Variants in NMBR observed in about 807,000 individuals in gnomAD.
NMBR encodes the protein neuromedin B receptor.
Under a neutral mutation model 20.5 loss-of-function variants are expected in NMBR, and 16 were observed. The ratio of observed to expected loss-of-function variants is 0.78; its 90% CI spans 0.53 to 1.19. The LOEUF (loss-of-function observed/expected upper bound fraction) is 1.19. NMBR is among the 50% of genes most tolerant of loss of function. NMBR has a pLI of 0.00. For synonymous variants in NMBR, 212 were observed against 196.6 expected (o/e 1.08, Z -0.65); for missense variants, 582 against 499.1 (o/e 1.17, Z -1.58).
chr6:142,125,656 A>G (rs1778020666), intron 1 of NMBR, among the ~76,000 whole-genome samples: 1 of 151,884 alleles, frequency 6.6e-6, no homozygotes, highest in Non-Finnish European at 1.5e-5. Flanking sequence ...GTGAATAAGG[A>G]CAAACACATA....
At chr6:142,136,300 A>G (rs1300556190) in intron 1 of NMBR, among the ~76,000 whole-genome samples, 4 of 152,122 alleles carry the variant, frequency 2.6e-5, no homozygotes. Context: ...TCTTCTTTTG[A>G]GAAGTGTTTG....
chr6:142,135,448 T>C (rs1342707614), intron 1 of NMBR, among the ~76,000 whole-genome samples: 1 of 152,100 alleles, frequency 6.6e-6, no homozygotes, highest in African/African-American at 2.4e-5. Context: ...CTTGAAGAAA[T>C]TGAACAATTA....
At chr6:142,123,404 C>CAACAAAGG (rs1195347696) in intron 1 of NMBR, among the ~76,000 whole-genome samples, 1 of 151,934 alleles carries the variant, frequency 6.6e-6, no homozygotes. Flanking sequence ...GTTGAAATAA[C>CAACAAAGG]AACAAAGGAT....
At chr6:142,097,509 G>C (rs1392602669) in intron 1 of NMBR, among the ~76,000 whole-genome samples, 1 of 152,104 alleles carries the variant, frequency 6.6e-6, no homozygotes, top group Admixed American at 6.6e-5. Flanking sequence ...ATCATTGTAA[G>C]TGAAAATGCT....
intron 1 of NMBR, among the ~76,000 whole-genome samples, chr6:142,105,496 GT>G (rs1354582585): frequency 6.6e-5 from 10 of 152,088 alleles, no homozygotes; most frequent in Non-Finnish European, 1.5e-4. Context: ...TAAACCTTTT[GT>G]TTTACATTTT....
chr6:142,089,717 G>T (rs1777286719), intron 1 of NMBR, among the ~76,000 whole-genome samples: 1 of 152,080 alleles, frequency 6.6e-6, no homozygotes, highest in South Asian at 2.1e-4. Flanking sequence ...TTCTCAGGTG[G>T]CATTTTTCAT....
At chr6:142,147,021 A>G in intron 1 of NMBR, 23 bp downstream of exon 1, 1 of 442,298 alleles carries the variant, frequency 2.3e-6, no homozygotes. Context: ...AAAGCAAAAC[A>G]AAACAAAAAC....
intron 1 of NMBR, among the ~76,000 whole-genome samples, chr6:142,105,455 A>G (rs929382922): frequency 6.6e-6 from 1 of 152,176 alleles, no homozygotes; most frequent in African/African-American, 2.4e-5. Flanking sequence ...AATTTATAAA[A>G]TCTGTCATCT....
Position 142,111,338 on chromosome 6 carries a change from A to T in NMBR, c.-663-22017T>A, listed in dbSNP as rs184449373. On this transcript the variant is annotated intron_variant, in intron 1 of 3. Coordinates refer to ENST00000258042, the MANE Select transcript of NMBR (RefSeq NM_002511.4). ...CCTACACAACAAAACCTGTTACCTA[A>T]GAAGAGGTCATTTATATTAGCAAGG... Among the ~76,000 whole-genome samples the T allele has an allele frequency of 6.6e-5, 10 of 152,268 alleles. No individual in the cohort carries two copies. The East Asian group carries it at 1.7e-3, about 26-fold the overall frequency.
intron 1 of NMBR, among the ~76,000 whole-genome samples, chr6:142,141,041 G>A (rs572149409): frequency 7.2e-4 from 109 of 152,082 alleles, no homozygotes; most frequent in Non-Finnish European, 1.3e-3. Context: ...ATATCAAAAA[G>A]GATATAGAGG....
intron 1 of NMBR, among the ~76,000 whole-genome samples, chr6:142,131,539 T>C (rs571858863): frequency 6.6e-6 from 1 of 152,308 alleles, no homozygotes; most frequent in African/African-American, 2.4e-5. Context: ...CACTCCAATA[T>C]ACACCCTTAC....
At chr6:142,093,936 C>T (rs540698265) in intron 1 of NMBR, among the ~76,000 whole-genome samples, 1 of 150,510 alleles carries the variant, frequency 6.6e-6, no homozygotes, top group African/African-American at 2.4e-5. Flanking sequence ...TGTTTTTTGG[C>T]TGCATAAATG....
intron 2 of NMBR, among the ~76,000 whole-genome samples, chr6:142,079,331 A>C (rs568541448): frequency 6.6e-6 from 1 of 152,270 alleles, no homozygotes; most frequent in Non-Finnish European, 1.5e-5. Flanking sequence ...GGAAGACCTA[A>C]GGTTCCTGGT....
intron 1 of NMBR, among the ~76,000 whole-genome samples, chr6:142,114,851 G>C (rs922353371): frequency 6.6e-6 from 1 of 151,970 alleles, no homozygotes; most frequent in Non-Finnish European, 1.5e-5. Context: ...CATATTCATA[G>C]CAACACTATG....
At chr6:142,082,924 C>T (rs1777127892) in intron 2 of NMBR, among the ~76,000 whole-genome samples, 1 of 152,184 alleles carries the variant, frequency 6.6e-6, no homozygotes, top group South Asian at 2.1e-4. Flanking sequence ...TGGTTAGCAG[C>T]ACCCAGAAAC....
At position 142,078,859 on chromosome 6, in the gene NMBR, G is replaced by A; in HGVS notation, c.467C>T (p.Ala156Val). 1 of 1,613,698 alleles carries A rather than the reference G, an allele frequency of 6.2e-7. No homozygotes were observed. Among genetic ancestry groups the A allele is most frequent in the Non-Finnish European group, 8.5e-7 (1 of 1,179,972 alleles). ...VNPMDMQTSG[A>V]LLRTCVKAMG... ...GGCCTTCACACAGGTCCGCAGCAAT[G>A]CCCCTGACGTCTGCATGTCCATGGG... The change falls in exon 3 of 4, where the codon GCA (alanine) becomes GTA (valine). Residue 156 changes from alanine to valine, a missense_variant. Ala to Val is a moderately conservative substitution (Grantham distance 64). Transcript: ENST00000258042.
chr6:142,087,934 G>A (rs947172938), intron 2 of NMBR, among the ~76,000 whole-genome samples: 2 of 152,148 alleles, frequency 1.3e-5, no homozygotes, highest in Non-Finnish European at 2.9e-5. Flanking sequence ...TTATTCTATA[G>A]CTTTTCTATG....
chr6:142,079,112 A>AGAGAGAGAAAGAGAGAGAG, intron 2 of NMBR, among the ~76,000 whole-genome samples: 1 of 46,612 alleles, frequency 2.1e-5, no homozygotes, highest in East Asian at 1.9e-3. Context: ...GAGAGAAAGA[A>AGAGAGAGAAAGAGAGAGAG]AGAAAGAAAG....
At chr6:142,089,356 C>T (rs1777277880) in intron 1 of NMBR, 35 bp from the exon 2 acceptor site, 2 of 152,174 alleles carry the variant, frequency 1.3e-5, no homozygotes, top group African/African-American at 2.4e-5. Context: ...AAAATGAGTG[C>T]CAAAGAATGA....
Sources: gnomAD v4.1 joint callset for allele counts (sites outside exome capture counted in the v4.1 genomes callset) on GRCh38, gnomAD v4.1.1 for gene constraint, MANE v1.5 for transcripts, NCBI Gene and HGNC (gene_info 2026-07-23, HGNC 2026-07-21) for gene names.